The following KIAA0586 variants were observed in gnomAD, a reference collection of about 807,000 sequenced individuals.
KIAA0586 encodes KIAA0586, also known as protein TALPID3.
KIAA0586 carries 144 observed loss-of-function variants against 169.8 expected under a neutral mutation model. That is an observed-to-expected ratio of 0.85 (90% CI 0.74 to 0.97). KIAA0586 has a LOEUF of 0.97. Among genes scored for constraint, KIAA0586 ranks in the 50% least tolerant of loss-of-function variants. KIAA0586 has a pLI of 0.00. For missense variants in KIAA0586, 1,854 were observed against 1,823.0 expected, an observed-to-expected ratio of 1.02 and a Z score of -0.31; for synonymous variants, 625 against 612.4, an observed-to-expected ratio of 1.02 and a Z score of -0.30.
chr14:58,531,376 A>G (rs2045961103), intron 29 of KIAA0586, among the ~76,000 whole-genome samples: 2 of 151,974 alleles, frequency 1.3e-5, no homozygotes, highest in East Asian at 1.9e-4. Flanking sequence ...AATTGGGCAA[A>G]GGATATCAAC....
chr14:58,510,294 A>G (rs2044295112), intron 28 of KIAA0586, among the ~76,000 whole-genome samples: 1 of 152,190 alleles, frequency 6.6e-6, no homozygotes, highest in South Asian at 2.1e-4. Flanking sequence ...ACTTGAACCC[A>G]GAAGGTGGAG....
chr14:58,524,182 G>A (rs1473036249), intron 29 of KIAA0586, among the ~76,000 whole-genome samples: 6 of 152,124 alleles, frequency 3.9e-5, no homozygotes, highest in East Asian at 1.9e-4. Context: ...GCAATTCACC[G>A]GTGAGTGATC....
In KIAA0586 at chr14:58,428,446, T is replaced by C. The variant is rs183168709; in HGVS notation, c.182T>C (p.Leu61Ser). The change falls in exon 1 of 31, where the codon TTG (leucine) becomes TCG (serine). Residue 61 changes from leucine to serine, a missense_variant. Leu to Ser is a moderately radical substitution (Grantham distance 145). Transcript: ENST00000652326. Reference protein sequence around the residue: ...KRLPVGTGTSLNGTSRGSSDL... With the variant: ...KRLPVGTGTSSNGTSRGSSDL... ...CTTCCTGTTGGAACGGGGACTAGTT[T>C]GAATGGAACATCACGTGGTATGTGA... 1.9e-4 allele frequency: 303 copies of C among 1,612,726 alleles called. No homozygotes were observed. In the African/African-American group the frequency reaches 3.8e-3, roughly 20 times the overall value.
chr14:58,558,300 G>C, the KIAA0586 span, among the ~76,000 whole-genome samples: 1 of 152,164 alleles, frequency 6.6e-6, no homozygotes, highest in African/African-American at 2.4e-5. Context: ...TCTGCCTACA[G>C]ACTGATCATA....
intron 30 of KIAA0586, among the ~76,000 whole-genome samples, chr14:58,543,304 A>T (rs192521171): frequency 6.6e-6 from 1 of 151,976 alleles, no homozygotes; most frequent in Non-Finnish European, 1.5e-5. Flanking sequence ...TTCCTGTTAT[A>T]TTAGATGTTT....
At chr14:58,430,563 G>C in intron 2 of KIAA0586, 85 bp from the exon 3 acceptor site, 2 of 756,084 alleles carry the variant, frequency 2.6e-6, no homozygotes, top group Non-Finnish European at 2.2e-6. Flanking sequence ...CCAGAACACA[G>C]TAGTCACATA....
intron 4 of KIAA0586, among the ~76,000 whole-genome samples, chr14:58,435,587 G>A (rs1374185263): frequency 6.6e-6 from 1 of 152,012 alleles, no homozygotes; most frequent in Non-Finnish European, 1.5e-5. Flanking sequence ...CTCCTATGTA[G>A]CTGTAATTTT....
chr14:58,509,092 C>T (rs1272001555), intron 28 of KIAA0586, among the ~76,000 whole-genome samples: 1 of 152,024 alleles, frequency 6.6e-6, no homozygotes, highest in African/African-American at 2.4e-5. Flanking sequence ...AGCTCGGCTC[C>T]TGTAGTTCCA....
At chr14:58,467,550 A>T (rs1490889018) in intron 15 of KIAA0586, among the ~76,000 whole-genome samples, 185 bp from the exon 16 acceptor site, 1 of 152,190 alleles carries the variant, frequency 6.6e-6, no homozygotes, top group Middle Eastern at 3.2e-3. Context: ...GAGTACATAT[A>T]AGTGCTTAAT....
At chr14:58,533,301 AG>A (rs1480091644) in intron 29 of KIAA0586, among the ~76,000 whole-genome samples, 3 of 152,266 alleles carry the variant, frequency 2.0e-5, no homozygotes, top group Non-Finnish European at 4.4e-5. Context: ...TAGAGGAAGC[AG>A]CATAAAATTA....
intron 17 of KIAA0586, 118 bp downstream of exon 17, chr14:58,470,841 G>A: frequency 1.8e-6 from 1 of 563,518 alleles, no homozygotes; most frequent in Non-Finnish European, 3.1e-6. Flanking sequence ...AGATTTTGAA[G>A]AAAAGATTGA....
At chr14:58,466,522 G>A (rs2035347557) in intron 15 of KIAA0586, among the ~76,000 whole-genome samples, 3 of 152,130 alleles carry the variant, frequency 2.0e-5, no homozygotes, top group African/African-American at 7.2e-5. Flanking sequence ...GATTGCTTGA[G>A]ACCAAGAGTT....
At chr14:58,536,612 T>C (rs751535767) in intron 29 of KIAA0586, among the ~76,000 whole-genome samples, 6 of 152,324 alleles carry the variant, frequency 3.9e-5, no homozygotes, top group African/African-American at 1.2e-4. Context: ...CTATTTGAAA[T>C]GAAAAGCTAA....
At position 58,498,964 on chromosome 14, in the gene KIAA0586, G is replaced by A. The variant is rs747926742; in HGVS notation, c.4168+4G>A. The A allele has an allele frequency of 1.3e-6, 2 of 1,584,028 alleles. No homozygotes were observed. The highest frequency in any genetic ancestry group is 4.5e-5 in the East Asian group (2 of 43,960). Reference sequence around the variant, plus strand: ...CGGCAATTTGACACAGTTTCAGGTAGACACCAAAATATTTTTTCTTGATGT... The same window carrying A: ...CGGCAATTTGACACAGTTTCAGGTAAACACCAAAATATTTTTTCTTGATGT... On this transcript the variant is annotated splice_donor_region_variant and intron_variant, in intron 27 of 30. Coordinates refer to ENST00000652326, the MANE Select transcript of KIAA0586 (RefSeq NM_001329943.3).
intron 25 of KIAA0586, among the ~76,000 whole-genome samples, chr14:58,491,511 T>G (rs2042831623): frequency 2.0e-5 from 3 of 152,216 alleles, no homozygotes; most frequent in Admixed American, 2.0e-4. Context: ...ATATCTGTAT[T>G]TACAAGATAA....
At chr14:58,505,483 T>C (rs1394096449) in intron 27 of KIAA0586, among the ~76,000 whole-genome samples, 2 of 152,236 alleles carry the variant, frequency 1.3e-5, no homozygotes, top group Non-Finnish European at 2.9e-5. Flanking sequence ...TATGTACTCC[T>C]GGGAAGCTCT....
At position 58,548,145 on chromosome 14, in the gene KIAA0586, CT is replaced by C; in HGVS notation, c.*215del. ...TTATAAGTCTGATTGTGAGTTGTTT[CT>C]TAGAATCCTGAGATAGCATAGAGTA... is the stretch of plus-strand genomic sequence containing the variant. On this transcript the variant is annotated 3_prime_UTR_variant, in exon 31 of 31. Transcript: ENST00000652326. The C allele has an allele frequency of 1.9e-6, 1 of 520,104 alleles. No homozygotes were observed. Among genetic ancestry groups the C allele is most frequent in the Non-Finnish European group, 3.2e-6 (1 of 308,510 alleles). The allele number at this position is 520,104 out of a possible 1,614,324, so 32.2% of individuals were successfully genotyped here.
At chr14:58,435,443 G>A (rs1418730825) in intron 4 of KIAA0586, among the ~76,000 whole-genome samples, 2 of 152,070 alleles carry the variant, frequency 1.3e-5, no homozygotes, top group African/African-American at 4.8e-5. Flanking sequence ...TCCATCATCT[G>A]AAACATTTAT....
At chr14:58,461,791 T>G (rs927734682) in intron 14 of KIAA0586, among the ~76,000 whole-genome samples, 7 of 152,210 alleles carry the variant, frequency 4.6e-5, no homozygotes, top group Admixed American at 2.6e-4. Flanking sequence ...TGCAGTTTGG[T>G]TTTCAAAGAG....
Sources: allele counts gnomAD v4.1 joint callset (sites outside exome capture counted in the v4.1 genomes callset), GRCh38; gene constraint gnomAD v4.1.1; transcripts MANE v1.5; gene names NCBI Gene and HGNC (gene_info 2026-07-23, HGNC 2026-07-21).